The following PHF14 variants were observed in gnomAD, a reference collection of about 807,000 sequenced individuals.
PHF14 encodes PHD finger protein 14.
Under a neutral mutation model 117.9 loss-of-function variants are expected in PHF14, and 55 were observed. The ratio of observed to expected loss-of-function variants is 0.47; its 90% CI spans 0.38 to 0.58. PHF14 has a LOEUF of 0.58. PHF14 is among the 20% of genes least tolerant of loss of function. The probability of loss-of-function intolerance (pLI) is 0.00; values close to 1 mark genes in which losing one functional copy is unlikely to be tolerated. For missense variants in PHF14, 978 were observed against 1,122.2 expected (o/e 0.87, Z 1.84); for synonymous variants, 409 against 368.6 (o/e 1.11, Z -1.26).
chr7:11,119,255 T>C (rs543687452), intron 17 of PHF14, among the ~76,000 whole-genome samples: 1 of 152,046 alleles, frequency 6.6e-6, no homozygotes, highest in South Asian at 2.1e-4. Flanking sequence ...TTTTTTGTTA[T>C]TTTGTTATTT....
intron 16 of PHF14, among the ~76,000 whole-genome samples, chr7:11,090,224 T>C (rs1786591558): frequency 6.6e-6 from 1 of 152,256 alleles, no homozygotes; most frequent in South Asian, 2.1e-4. Context: ...TCTTTAAGTA[T>C]ATTCTCTATG....
chr7:11,023,520 G>A (rs1268530894), intron 6 of PHF14, among the ~76,000 whole-genome samples: 1 of 152,146 alleles, frequency 6.6e-6, no homozygotes, highest in African/African-American at 2.4e-5. Flanking sequence ...TGTTCGCTGA[G>A]ACACAGTGAA....
intron 17 of PHF14, among the ~76,000 whole-genome samples, chr7:11,119,919 T>G (rs1026356114): frequency 6.6e-6 from 1 of 151,948 alleles, no homozygotes; most frequent in African/African-American, 2.4e-5. Context: ...TGTGATAAGT[T>G]GTAAATTAGA....
At chr7:11,009,923 A>T (rs1444454998) in intron 4 of PHF14, among the ~76,000 whole-genome samples, 1 of 152,204 alleles carries the variant, frequency 6.6e-6, no homozygotes, top group African/African-American at 2.4e-5. Context: ...CTCTGTGCAA[A>T]TGTGCACGTT....
intron 16 of PHF14, chr7:11,103,468 A>T (rs1452547235): frequency 2.0e-6 from 2 of 982,400 alleles, no homozygotes; most frequent in Non-Finnish European, 2.4e-6. Context: ...ATACAGAATT[A>T]AAATTTGATC....
intron 17 of PHF14, among the ~76,000 whole-genome samples, chr7:11,122,401 A>G (rs1287733959): frequency 4.0e-5 from 5 of 124,464 alleles, no homozygotes; most frequent in African/African-American, 1.6e-4. Context: ...ACACACACAT[A>G]TATATATACA....
chr7:11,059,832 A>G (rs756315392), intron 14 of PHF14, among the ~76,000 whole-genome samples: 1 of 152,120 alleles, frequency 6.6e-6, no homozygotes, highest in Non-Finnish European at 1.5e-5. Context: ...AGAGTACCAA[A>G]TTAGGGAAAA....
At chr7:11,059,084 A>G (rs1342574609) in intron 14 of PHF14, among the ~76,000 whole-genome samples, 2 of 152,148 alleles carry the variant, frequency 1.3e-5, no homozygotes, top group Non-Finnish European at 2.9e-5. Flanking sequence ...ATGAGAAGAA[A>G]TTTATAAATA....
intron 17 of PHF14, among the ~76,000 whole-genome samples, chr7:11,126,771 G>T: frequency 6.9e-6 from 1 of 144,812 alleles, no homozygotes; most frequent in Admixed American, 6.8e-5. Flanking sequence ...CATAGCAATA[G>T]GATGAAAAAA....
chr7:11,084,916 ATT>A (rs1305800858), intron 16 of PHF14, among the ~76,000 whole-genome samples: 1 of 150,722 alleles, frequency 6.6e-6, no homozygotes, highest in Non-Finnish European at 1.5e-5. Context: ...ATCTTTGGAG[ATT>A]TTTTTTTCTT....
In PHF14 at chr7:11,002,298, C is replaced by T. The variant is rs571466707; in HGVS notation, c.1046-11449C>T. On this transcript the variant is annotated intron_variant, in intron 4 of 17. Transcript: ENST00000634607. ...GATAAAAGGAACTCTGCAATGTGGACGATGTCATGCTGGAGCTTAGACAGC... is the reference window on the plus strand; with the variant it reads ...GATAAAAGGAACTCTGCAATGTGGATGATGTCATGCTGGAGCTTAGACAGC... 2.8e-4 allele frequency among the ~76,000 whole-genome samples: 42 copies of T among 151,852 alleles called. 1 individual carries two copies. In the South Asian group the frequency reaches 8.4e-3, roughly 30 times the overall value.
chr7:11,123,577 C>T (rs889318308), intron 17 of PHF14, among the ~76,000 whole-genome samples: 19 of 152,036 alleles, frequency 1.2e-4, no homozygotes, highest in Non-Finnish European at 7.4e-5. Flanking sequence ...GTCAGGAGTT[C>T]GAGACCAGCC....
At chr7:11,122,352 T>TATACAC in intron 17 of PHF14, among the ~76,000 whole-genome samples, 10 of 65,848 alleles carry the variant, frequency 1.5e-4, no homozygotes, top group African/African-American at 4.4e-4. Flanking sequence ...TATATATATA[T>TATACAC]ACACACACAC....
At chr7:10,990,639 GTGAT>G in intron 3 of PHF14, 60 bp from the exon 4 acceptor site, 1 of 985,494 alleles carries the variant, frequency 1.0e-6, no homozygotes, top group Non-Finnish European at 1.5e-6. Flanking sequence ...AAGAATTTTA[GTGAT>G]TAAGTTTTTT....
At chr7:10,990,450 A>G (rs1289324269) in intron 3 of PHF14, among the ~76,000 whole-genome samples, 1 of 152,184 alleles carries the variant, frequency 6.6e-6, no homozygotes, top group East Asian at 1.9e-4. Context: ...TTCATATCCT[A>G]GAGGAGAGAG....
intron 16 of PHF14, among the ~76,000 whole-genome samples, chr7:11,098,503 C>A (rs543518047): frequency 1.3e-4 from 20 of 152,234 alleles, no homozygotes; most frequent in African/African-American, 4.8e-4. Flanking sequence ...TTGGGTTCTA[C>A]AGCTCTACTA....
chr7:11,087,538 A>G (rs995978955), intron 16 of PHF14, among the ~76,000 whole-genome samples: 1 of 152,060 alleles, frequency 6.6e-6, no homozygotes, highest in African/African-American at 2.4e-5. Context: ...TGTTTTAGAT[A>G]TAGGTACTAT....
Position 11,169,402 on chromosome 7 carries a change from AATTT to A in PHF14, c.2773-9_2773-6del. 5 of 1,296,866 alleles carry A rather than the reference AATTT, an allele frequency of 3.9e-6. No individual in the cohort carries two copies. The highest frequency in any genetic ancestry group is 4.3e-6 in the Non-Finnish European group (4 of 925,268). 80.3% of individuals were successfully genotyped at this position (1,296,866 alleles called of 1,614,324 possible). On this transcript the variant is annotated splice_polypyrimidine_tract_variant and intron_variant, in intron 17 of 17. Transcript: ENST00000634607. ...AAGTTTATATTTTAATGTTTTCTAA[AATTT>A]ATTTCACAGGAAGATGAAAATGAAG...
chr7:11,005,683 AT>A (rs1783057067), intron 4 of PHF14, among the ~76,000 whole-genome samples: 1 of 145,702 alleles, frequency 6.9e-6, no homozygotes, highest in African/African-American at 2.5e-5. Context: ...TAATGTACTT[AT>A]TTTTTTGTTT....
Sources: allele counts gnomAD v4.1 joint callset (sites outside exome capture counted in the v4.1 genomes callset), GRCh38; gene constraint gnomAD v4.1.1; transcripts MANE v1.5; gene names NCBI Gene and HGNC (gene_info 2026-07-23, HGNC 2026-07-21).